Variants in MSH4 observed in about 807,000 individuals in gnomAD.
The protein encoded by MSH4 is mutS homolog 4, also known as mutS protein homolog 4.
In MSH4, 106 loss-of-function variants were observed where a neutral mutation model predicts 113.7. The observed-to-expected ratio is 0.93, with a 90% confidence interval of 0.80 to 1.10. The LOEUF is 1.10. Among genes scored for constraint, MSH4 ranks in the 50% least tolerant of loss-of-function variants. The probability of loss-of-function intolerance (pLI) is 0.00; values close to 1 mark genes in which losing one functional copy is unlikely to be tolerated. For synonymous variants in MSH4, 368 were observed against 380.2 expected, an observed-to-expected ratio of 0.97 and a Z score of 0.37; for missense variants, 1,061 against 1,093.7, an observed-to-expected ratio of 0.97 and a Z score of 0.42.
intron 7 of MSH4, among the ~76,000 whole-genome samples, chr1:75,831,549 A>G (rs1354061819): frequency 6.6e-6 from 1 of 152,210 alleles, no homozygotes; most frequent in Non-Finnish European, 1.5e-5. Flanking sequence ...AGCACTCCTC[A>G]GCAAATGTAA....
At chr1:75,875,111 A>G (rs1570981326) in intron 9 of MSH4, among the ~76,000 whole-genome samples, 1 of 152,042 alleles carries the variant, frequency 6.6e-6, no homozygotes, top group South Asian at 2.1e-4. Context: ...CCACACTGGT[A>G]TCGAACTCCT....
At chr1:75,829,299 G>A (rs890436427) in intron 7 of MSH4, among the ~76,000 whole-genome samples, 1 of 152,148 alleles carries the variant, frequency 6.6e-6, no homozygotes, top group African/African-American at 2.4e-5. Flanking sequence ...GCTCAAACTG[G>A]GTGGAGCCCA....
At chr1:75,836,217 G>T (rs1195778710) in intron 7 of MSH4, among the ~76,000 whole-genome samples, 2 of 151,896 alleles carry the variant, frequency 1.3e-5, no homozygotes, top group Non-Finnish European at 2.9e-5. Flanking sequence ...CTGTTGGTTG[G>T]CTTGGTTTCC....
At chr1:75,833,753 C>T (rs1407178229) in intron 7 of MSH4, among the ~76,000 whole-genome samples, 3 of 152,170 alleles carry the variant, frequency 2.0e-5, no homozygotes, top group African/African-American at 7.2e-5. Flanking sequence ...GAAACTGGAT[C>T]CCTTCCTTAC....
chr1:75,840,414 C>G (rs1650929896), intron 7 of MSH4, among the ~76,000 whole-genome samples: 2 of 145,536 alleles, frequency 1.4e-5, no homozygotes, highest in South Asian at 4.5e-4. Context: ...TAAACTATCA[C>G]AAGAACAAAA....
intron 16 of MSH4, among the ~76,000 whole-genome samples, chr1:75,890,434 T>G (rs909800890): frequency 1.3e-5 from 2 of 152,056 alleles, no homozygotes; most frequent in Non-Finnish European, 2.9e-5. Flanking sequence ...ATCTAAAGCA[T>G]CAATATTTTA....
At chr1:75,801,463 G>T (rs1371878172) in intron 1 of MSH4, among the ~76,000 whole-genome samples, 1 of 151,810 alleles carries the variant, frequency 6.6e-6, no homozygotes, top group Non-Finnish European at 1.5e-5. Flanking sequence ...AGCTGCTTGG[G>T]AGGCTGAGGC....
chr1:75,880,102 T>C lies in MSH4; in HGVS notation c.1730T>C (p.Met577Thr). ...TTTACATCAGCAGATTTAATTAAAATGAATGAAAGATGCCAAGAATCTTTG... is the reference window on the plus strand; with the variant it reads ...TTTACATCAGCAGATTTAATTAAAACGAATGAAAGATGCCAAGAATCTTTG... ...YSFTSADLIK[M>T]NERCQESLRE... The change falls in exon 13 of 20, where the codon ATG (methionine) becomes ACG (threonine). Residue 577 changes from methionine (M) to threonine (T), a missense_variant. Met to Thr is a moderately conservative substitution (Grantham distance 81, BLOSUM62 -1). Coordinates refer to ENST00000263187, the MANE Select transcript of MSH4 (RefSeq NM_002440.4). The C allele has an allele frequency of 6.3e-7, 1 of 1,599,060 alleles. No individual in the cohort carries two copies. Among genetic ancestry groups the C allele is most frequent in the South Asian group, 1.1e-5 (1 of 87,878 alleles).
chr1:75,892,345 T>C (rs1652273474), intron 17 of MSH4, among the ~76,000 whole-genome samples: 1 of 151,788 alleles, frequency 6.6e-6, no homozygotes, highest in African/African-American at 2.4e-5. Flanking sequence ...CAGTTTCTTA[T>C]GATGAATCTC....
At position 75,890,817 on chromosome 1, in the gene MSH4, G is replaced by C; in HGVS notation, c.2348G>C (p.Ser783Thr). ...TATGCTGTTTGTGAATATCTACTGA[G>C]CTTAAAGGTATTCTTTTATTTTAAG... Reference protein sequence around the residue: ...ICYAVCEYLLSLKAFTLFATH... With the variant: ...ICYAVCEYLLTLKAFTLFATH... Residue 783 changes from serine to threonine, a missense_variant, in exon 17 of 20, where the codon AGC (serine) becomes ACC (threonine). Physicochemically the swap from Ser to Thr is moderately conservative, Grantham distance 58. Coordinates refer to ENST00000263187, the MANE Select transcript of MSH4 (RefSeq NM_002440.4). 1 of 1,562,022 alleles carries C rather than the reference G, an allele frequency of 6.4e-7. No homozygotes were observed. The highest frequency in any genetic ancestry group is 8.8e-7 in the Non-Finnish European group (1 of 1,139,518).
intron 10 of MSH4, 114 bp downstream of exon 10, chr1:75,877,114 A>G: frequency 1.7e-6 from 1 of 574,368 alleles, no homozygotes; most frequent in African/African-American, 1.9e-5. Context: ...GTTTTGGTTA[A>G]CAGAATCTTT....
chr1:75,840,375 T>C (rs1488008579), intron 7 of MSH4, among the ~76,000 whole-genome samples: 1 of 147,248 alleles, frequency 6.8e-6, no homozygotes, highest in African/African-American at 2.5e-5. Context: ...TGTAGGGACA[T>C]GGATGAAATT....
rs543811115 is a variant in MSH4 at position 75,819,676 on chromosome 1, TA to T, written c.990-2731del. ...TTTACATGTATTATATGAAGTTGTC[TA>T]ATAAATAGTCCAACTAAATGAATTT... On this transcript the variant is annotated intron_variant, in intron 6 of 19. Coordinates refer to ENST00000263187, the MANE Select transcript of MSH4 (RefSeq NM_002440.4). Among the ~76,000 whole-genome samples, 220 of 152,314 alleles carry T rather than the reference TA, an allele frequency of 1.4e-3. 1 individual carries two copies. Among genetic ancestry groups the T allele is most frequent in the African/African-American group, 5.1e-3 (212 of 41,576 alleles).
rs370887078 is a variant in MSH4, at chr1:75,886,377, T to G, written c.2107+2556T>G. Among the ~76,000 whole-genome samples, 115 of 26,176 alleles carry G rather than the reference T, an allele frequency of 4.4e-3. 35 individuals are homozygous for G. Among genetic ancestry groups the G allele is most frequent in the East Asian group, 0.012 (2 of 164 alleles). The allele number at this position is 26,176 out of a possible 152,430, so 17.2% of individuals were successfully genotyped here. A position where few individuals can be genotyped will look rare whatever the true frequency, so the allele number is the denominator to read the frequency against. ...TATGGTATATATGATGTATTATATA[T>G]TATATATGGTATATATGATGTATTA... On this transcript the variant is annotated intron_variant, in intron 15 of 19. Transcript: ENST00000263187.
chr1:75,848,164 C>T, intron 7 of MSH4, 45 bp from the exon 8 acceptor site: 1 of 1,257,494 alleles, frequency 8.0e-7, no homozygotes. Flanking sequence ...ATATTTTGAA[C>T]TGTACCATAA....
intron 14 of MSH4, among the ~76,000 whole-genome samples, chr1:75,882,108 A>G (rs1167846389): frequency 6.6e-6 from 1 of 151,982 alleles, no homozygotes; most frequent in Non-Finnish European, 1.5e-5. Flanking sequence ...TTTCTTATGG[A>G]AATATTAACT....
At chr1:75,865,903 C>G (rs1651552321) in intron 8 of MSH4, among the ~76,000 whole-genome samples, 1 of 151,850 alleles carries the variant, frequency 6.6e-6, no homozygotes. Context: ...TCTTTTCTTC[C>G]CATATGGATT....
chr1:75,803,594 G>A, intron 1 of MSH4, 137 bp from the exon 2 acceptor site: 1 of 584,432 alleles, frequency 1.7e-6, no homozygotes, highest in South Asian at 3.8e-5. Context: ...TCCAGCCTGG[G>A]CGACAAGAGC....
intron 7 of MSH4, among the ~76,000 whole-genome samples, chr1:75,835,958 G>T (rs1650818878): frequency 6.6e-6 from 1 of 152,044 alleles, no homozygotes; most frequent in Admixed American, 6.6e-5. Context: ...CCTTTTGCTG[G>T]TCTGCGTGCC....
Sources: allele counts gnomAD v4.1 joint callset (sites outside exome capture counted in the v4.1 genomes callset), GRCh38; gene constraint gnomAD v4.1.1; transcripts MANE v1.5; gene names NCBI Gene and HGNC (gene_info 2026-07-23, HGNC 2026-07-21).